Variants in USP34 observed in about 807,000 individuals in gnomAD.
USP34 encodes ubiquitin specific peptidase 34.
A neutral mutation model predicts 460.3 loss-of-function variants in USP34; 70 were observed. The ratio of observed to expected loss-of-function variants is 0.15; its 90% CI spans 0.13 to 0.19. The LOEUF is 0.19. USP34 is among the 10% of genes least tolerant of loss of function. The probability of loss-of-function intolerance (pLI) is 1.00; values close to 1 mark genes in which losing one functional copy is unlikely to be tolerated. For missense variants in USP34, 3,985 were observed against 4,236.2 expected (o/e 0.94, Z 1.65); for synonymous variants, 1,647 against 1,405.3 (o/e 1.17, Z -3.85).
rs1243886245 is a variant in USP34 at position 61,281,123 on chromosome 2, A to T, written c.5118T>A (p.Phe1706Leu). The T allele has an allele frequency of 3.1e-6, 5 of 1,613,770 alleles. No individual in the cohort carries two copies. The highest frequency in any genetic ancestry group is 4.2e-6 in the Non-Finnish European group (5 of 1,179,888). ...GTTTGAGTGCTTGAGCATCAGGAAG[A>T]AATTTCAATAATGTTGAGGCAGCCA... Reference protein sequence around the residue: ...LLLAASTLLKFLPDAQALKPI... With the variant: ...LLLAASTLLKLLPDAQALKPI... Residue 1706 changes from phenylalanine (F) to leucine (L), a missense_variant, in exon 38 of 80, where the codon TTT (phenylalanine) becomes TTA (leucine). Coordinates refer to ENST00000398571, the MANE Select transcript of USP34 (RefSeq NM_014709.4).
At chr2:61,416,443 A>C (rs1487227155) in intron 2 of USP34, among the ~76,000 whole-genome samples, 3 of 152,218 alleles carry the variant, frequency 2.0e-5, no homozygotes, top group Non-Finnish European at 4.4e-5. Context: ...AAATTCCTGA[A>C]ATAAAGTTAA....
At chr2:61,252,267 T>C (rs1040990906) in intron 48 of USP34, among the ~76,000 whole-genome samples, 1 of 152,234 alleles carries the variant, frequency 6.6e-6, no homozygotes, top group Admixed American at 6.5e-5. Flanking sequence ...ATAAGTTACT[T>C]AACCTCTCTG....
chr2:61,246,525 A>G (rs1335342245), intron 49 of USP34, 48 bp from the exon 50 acceptor site: 1 of 1,264,760 alleles, frequency 7.9e-7, no homozygotes, highest in Non-Finnish European at 1.0e-6. Flanking sequence ...ACTTCACAAC[A>G]GTTACTTAGA....
chr2:61,272,471 T>C (rs1379712579), intron 41 of USP34, among the ~76,000 whole-genome samples: 1 of 149,592 alleles, frequency 6.7e-6, no homozygotes, highest in Non-Finnish European at 1.5e-5. Context: ...AAATCCAACA[T>C]ATATATCCAA....
chr2:61,437,483 T>TA (rs1033930497), intron 1 of USP34, among the ~76,000 whole-genome samples: 1 of 151,594 alleles, frequency 6.6e-6, no homozygotes, highest in Non-Finnish European at 1.5e-5. Flanking sequence ...CAATAAGAAA[T>TA]AAAAAACCTG....
rs929881778 is a variant in USP34, at chr2:61,247,833, C to T, written c.6394+678G>A. On this transcript the variant is annotated intron_variant, in intron 49 of 79. Coordinates refer to ENST00000398571, the MANE Select transcript of USP34 (RefSeq NM_014709.4). ...TTTTTGAGACAGAGTCTCGCTCTGT[C>T]GCCCACACTGGAGTGCAGTAGTGCA... Among the ~76,000 whole-genome samples, 57 of 152,106 alleles carry T rather than the reference C, an allele frequency of 3.7e-4. 1 individual carries two copies. Among genetic ancestry groups the T allele is most frequent in the Admixed American group, 3.5e-3 (53 of 15,272 alleles).
intron 42 of USP34, 73 bp from the exon 43 acceptor site, chr2:61,265,630 A>C (rs201891352): frequency 6.2e-6 from 9 of 1,452,776 alleles, no homozygotes; most frequent in Non-Finnish European, 2.8e-6. Context: ...GCTTACATTA[A>C]CAGCCTCTAC....
chr2:61,336,460 AG>A (rs1691419366), intron 18 of USP34, among the ~76,000 whole-genome samples: 1 of 151,786 alleles, frequency 6.6e-6, no homozygotes. Context: ...TACCTATAAA[AG>A]AAGTATGTAC....
At position 61,325,455 on chromosome 2, in the gene USP34, T is replaced by C. The variant is rs1691056223; in HGVS notation, c.2933A>G (p.Tyr978Cys). 1 of 1,519,712 alleles carries C rather than the reference T, an allele frequency of 6.6e-7. No individual in the cohort carries two copies. The highest frequency in any genetic ancestry group is 8.8e-7 in the Non-Finnish European group (1 of 1,141,848). 94.1% of individuals were successfully genotyped at this position (1,519,712 alleles called of 1,614,324 possible). A position where few individuals can be genotyped will look rare whatever the true frequency, so the allele number is the denominator to read the frequency against. ...AACTTGAACTTCAGCACTATGGCTG[T>C]ACCTATAATTTAAAAGTCATTAAAA... ...VREGRQKHAL[Y>C]SHSAEVQVRL... The change falls in exon 21 of 80, where the codon TAC becomes TGC. Residue 978 changes from tyrosine (Y) to cysteine (C), a missense_variant and splice_region_variant. Transcript: ENST00000398571.
At chr2:61,429,473 T>C (rs1558589301) in intron 1 of USP34, among the ~76,000 whole-genome samples, 1 of 151,758 alleles carries the variant, frequency 6.6e-6, no homozygotes, top group African/African-American at 2.4e-5. Flanking sequence ...TAAAATAAAA[T>C]AAAATTAGCT....
At chr2:61,221,228 T>A (rs1687573438) in intron 66 of USP34, among the ~76,000 whole-genome samples, 1 of 152,168 alleles carries the variant, frequency 6.6e-6, no homozygotes, top group African/African-American at 2.4e-5. Context: ...TTGAAAACAC[T>A]TGGTTTGTAT....
rs1693854323 is a variant in USP34 at position 61,405,817 on chromosome 2, A to G, written c.443T>C (p.Leu148Ser). Residue 148 changes from leucine (L) to serine (S), a missense_variant, in exon 3 of 80, where the codon TTA becomes TCA. By Grantham distance (145) the Leu-to-Ser change is moderately radical. Coordinates refer to ENST00000398571, the MANE Select transcript of USP34 (RefSeq NM_014709.4). ...TTTTTCCTTCTCATCTGTACTCCATAAACTAAAAGGATCAGAACTCTTTGA... is the reference window on the plus strand; with the variant it reads ...TTTTTCCTTCTCATCTGTACTCCATGAACTAAAAGGATCAGAACTCTTTGA... ...ESSKSSDPFS[L>S]WSTDEKEKLL... The G allele has an allele frequency of 7.4e-6, 12 of 1,613,484 alleles. No homozygotes were observed. Among genetic ancestry groups the G allele is most frequent in the South Asian group, 1.1e-5 (1 of 90,956 alleles).
At chr2:61,205,252 C>G (rs1687084306) in intron 72 of USP34, among the ~76,000 whole-genome samples, 1 of 152,062 alleles carries the variant, frequency 6.6e-6, no homozygotes, top group Non-Finnish European at 1.5e-5. Context: ...AGGGATAATC[C>G]TTAATCTACT....
chr2:61,469,471 C>A (rs1201129922), intron 1 of USP34, among the ~76,000 whole-genome samples: 1 of 152,168 alleles, frequency 6.6e-6, no homozygotes, highest in African/African-American at 2.4e-5. Flanking sequence ...ACTGGAACCT[C>A]TAGTTGGAAT....
At chr2:61,298,693 A>G (rs1278317443) in intron 29 of USP34, among the ~76,000 whole-genome samples, 2 of 151,564 alleles carry the variant, frequency 1.3e-5, no homozygotes, top group Non-Finnish European at 2.9e-5. Flanking sequence ...TCTCTACTAC[A>G]TCCTCCACAC....
intron 8 of USP34, among the ~76,000 whole-genome samples, chr2:61,372,137 C>G (rs1183966122): frequency 6.6e-6 from 1 of 151,816 alleles, no homozygotes; most frequent in Non-Finnish European, 1.5e-5. Context: ...TACAGATAAA[C>G]TGGAAAGATT....
chr2:61,446,971 T>C (rs1291191483), intron 1 of USP34, among the ~76,000 whole-genome samples: 1 of 151,986 alleles, frequency 6.6e-6, no homozygotes, highest in Non-Finnish European at 1.5e-5. Context: ...AAAATAACAT[T>C]AGGCCGGGCG....
At chr2:61,196,208 G>T (rs933945101) in intron 75 of USP34, among the ~76,000 whole-genome samples, 2 of 146,854 alleles carry the variant, frequency 1.4e-5, no homozygotes, top group Admixed American at 7.0e-5. Flanking sequence ...AGCATCCCAA[G>T]TAGCTGGGAC....
chr2:61,194,381 G>A (rs555272715), intron 75 of USP34, among the ~76,000 whole-genome samples: 65 of 152,294 alleles, frequency 4.3e-4, no homozygotes, highest in Non-Finnish European at 6.2e-4. Context: ...GAGTTCCTAC[G>A]TTCCCATGTT....
Sources: allele counts gnomAD v4.1 joint callset (sites outside exome capture counted in the v4.1 genomes callset), GRCh38; gene constraint gnomAD v4.1.1; transcripts MANE v1.5; gene names NCBI Gene and HGNC (gene_info 2026-07-23, HGNC 2026-07-21).